SCAPER: variants seen among roughly 807,000 people sequenced by gnomAD.
The protein encoded by SCAPER is S-phase cyclin A associated protein in the ER, also known as S phase cyclin A-associated protein in the endoplasmic reticulum.
Under a neutral mutation model 182.2 loss-of-function variants are expected in SCAPER, and 98 were observed. That is an observed-to-expected ratio of 0.54 (90% CI 0.46 to 0.64). The LOEUF (loss-of-function observed/expected upper bound fraction) is 0.64, where lower values mean the gene tolerates loss of function less well. SCAPER is among the 30% of genes least tolerant of loss of function. The pLI is 0.00. For missense variants in SCAPER, 1,432 were observed against 1,690.0 expected, an observed-to-expected ratio of 0.85 and a Z score of 2.68; for synonymous variants, 605 against 564.6, an observed-to-expected ratio of 1.07 and a Z score of -1.01.
intron 23 of SCAPER, among the ~76,000 whole-genome samples, chr15:76,505,391 T>C (rs569555272): frequency 1.0e-3 from 153 of 151,990 alleles, no homozygotes; most frequent in Non-Finnish European, 1.5e-3. Context: ...CTCAAACAAC[T>C]CTGTAGGAAA....
intron 25 of SCAPER, among the ~76,000 whole-genome samples, chr15:76,460,652 G>A (rs1420975278): frequency 2.6e-5 from 4 of 151,940 alleles, no homozygotes; most frequent in East Asian, 1.9e-4. Flanking sequence ...TGATATGTAC[G>A]TTACACTGTT....
chr15:76,738,583 A>T (rs890759560), intron 15 of SCAPER, among the ~76,000 whole-genome samples: 23 of 151,264 alleles, frequency 1.5e-4, no homozygotes, highest in African/African-American at 5.6e-4. Flanking sequence ...ATGGTTATCG[A>T]TTAATAACCA....
intron 25 of SCAPER, among the ~76,000 whole-genome samples, chr15:76,456,046 C>T (rs1310238942): frequency 1.3e-5 from 2 of 152,326 alleles, no homozygotes; most frequent in East Asian, 1.9e-4. Flanking sequence ...ATATGTGCCA[C>T]ATTTTCTTTA....
chr15:76,894,786 A>T (rs2074341499), intron 1 of SCAPER, among the ~76,000 whole-genome samples: 1 of 152,300 alleles, frequency 6.6e-6, no homozygotes, highest in South Asian at 2.1e-4. Flanking sequence ...AATAACTTAC[A>T]GAAAATAAGT....
intron 21 of SCAPER, among the ~76,000 whole-genome samples, chr15:76,641,985 G>A (rs1021713245): frequency 7.9e-5 from 12 of 152,162 alleles, no homozygotes; most frequent in Admixed American, 4.6e-4. Flanking sequence ...TTTTAGTCAG[G>A]TTAGTTCTAT....
chr15:76,588,439 G>A (rs2048850601), intron 22 of SCAPER, among the ~76,000 whole-genome samples: 1 of 152,104 alleles, frequency 6.6e-6, no homozygotes, highest in African/African-American at 2.4e-5. Context: ...GTTTCCATTT[G>A]CATGGAATGT....
At chr15:76,757,633 A>T (rs2062530279) in intron 14 of SCAPER, among the ~76,000 whole-genome samples, 1 of 152,186 alleles carries the variant, frequency 6.6e-6, no homozygotes, top group Admixed American at 6.5e-5. Context: ...CCAGAAGAAG[A>T]ACTGCTGATC....
At chr15:76,599,389 G>C (rs558076236) in intron 22 of SCAPER, among the ~76,000 whole-genome samples, 1 of 121,648 alleles carries the variant, frequency 8.2e-6, no homozygotes, top group East Asian at 2.2e-4. Context: ...ACATATCAAA[G>C]GACTTTGCAC....
intron 18 of SCAPER, 61 bp from the exon 19 acceptor site, chr15:76,703,063 G>A (rs1390638371): frequency 6.8e-7 from 1 of 1,478,616 alleles, no homozygotes; most frequent in Non-Finnish European, 9.0e-7. Context: ...TGAGAAATTG[G>A]AAAAATAATA....
intron 4 of SCAPER, among the ~76,000 whole-genome samples, chr15:76,843,417 A>G (rs1202877847): frequency 6.6e-6 from 1 of 152,216 alleles, no homozygotes; most frequent in African/African-American, 2.4e-5. Context: ...TGAGGCTCAG[A>G]CTGAATTGCC....
chr15:76,475,992 C>A (rs1370563274), intron 24 of SCAPER, among the ~76,000 whole-genome samples: 2 of 152,140 alleles, frequency 1.3e-5, no homozygotes, highest in Non-Finnish European at 2.9e-5. Context: ...GTTTACATAT[C>A]CTTCCAGAGA....
chr15:76,447,671 C>A (rs1280585168), intron 25 of SCAPER, among the ~76,000 whole-genome samples: 3 of 152,138 alleles, frequency 2.0e-5, no homozygotes, highest in East Asian at 3.9e-4. Flanking sequence ...TTCCTATATT[C>A]TTAGACACCT....
At chr15:76,371,140 G>T (rs1487971153) in intron 29 of SCAPER, among the ~76,000 whole-genome samples, 1 of 152,070 alleles carries the variant, frequency 6.6e-6, no homozygotes, top group African/African-American at 2.4e-5. Context: ...GTCATTTCAG[G>T]GAGCTTACTT....
At chr15:76,752,928 T>C (rs1222168233) in intron 15 of SCAPER, among the ~76,000 whole-genome samples, 1 of 151,782 alleles carries the variant, frequency 6.6e-6, no homozygotes, top group Non-Finnish European at 1.5e-5. Flanking sequence ...ACTCTATACA[T>C]GTATTTAAAA....
intron 22 of SCAPER, among the ~76,000 whole-genome samples, chr15:76,609,413 G>C (rs771858289): frequency 6.6e-6 from 1 of 151,950 alleles, no homozygotes; most frequent in Non-Finnish European, 1.5e-5. Context: ...CCTGAACCCA[G>C]GTGGCTGAGG....
At chr15:76,592,630 T>C (rs914707368) in intron 22 of SCAPER, among the ~76,000 whole-genome samples, 2 of 122,486 alleles carry the variant, frequency 1.6e-5, no homozygotes, top group African/African-American at 5.0e-5. Flanking sequence ...CTGGCTCATC[T>C]CACTGGGACT....
intron 25 of SCAPER, among the ~76,000 whole-genome samples, chr15:76,437,374 C>G (rs2047265372): frequency 6.6e-6 from 1 of 152,094 alleles, no homozygotes; most frequent in Non-Finnish European, 1.5e-5. Flanking sequence ...AAAAAAAATA[C>G]TTGCTTTCCT....
chr15:76,703,647 A>C (rs1051274080), intron 18 of SCAPER, among the ~76,000 whole-genome samples: 2 of 152,136 alleles, frequency 1.3e-5, no homozygotes, highest in Non-Finnish European at 2.9e-5. Flanking sequence ...CAGCTCAGGA[A>C]GTGTTCTTTA....
chr15:76,466,419 C>CTTTTTTTTTTTTTTTTTTTTTTTTT, intron 25 of SCAPER, among the ~76,000 whole-genome samples: 28 of 37,416 alleles, frequency 7.5e-4, no homozygotes, highest in South Asian at 1.7e-3. Context: ...GTTGGTTCTT[C>CTTTTTTTTTTTTTTTTTTTTTTTTT]TTTTTTTTTT....
Sources: allele counts gnomAD v4.1 joint callset (sites outside exome capture counted in the v4.1 genomes callset), GRCh38; gene constraint gnomAD v4.1.1; transcripts MANE v1.5; gene names NCBI Gene and HGNC (gene_info 2026-07-23, HGNC 2026-07-21).